KDM1A: variants seen among roughly 807,000 people sequenced by gnomAD.
KDM1A encodes lysine-specific histone demethylase 1A.
Under a neutral mutation model 109.4 loss-of-function variants are expected in KDM1A, and 49 were observed. The observed-to-expected ratio is 0.45, with a 90% CI of 0.36 to 0.57. The LOEUF is 0.57. Ranked by LOEUF, KDM1A falls within the 20% of genes least tolerant of loss-of-function variation. KDM1A has a pLI of 0.00. For missense variants in KDM1A, 668 were observed against 1,116.6 expected, an observed-to-expected ratio of 0.60 and a Z score of 5.73; for synonymous variants, 380 against 415.4, an observed-to-expected ratio of 0.91 and a Z score of 1.04.
chr1:23,073,056 T>C (rs1643364992), intron 14 of KDM1A, among the ~76,000 whole-genome samples: 1 of 152,170 alleles, frequency 6.6e-6, no homozygotes, highest in Non-Finnish European at 1.5e-5. Context: ...TTTTTTTCCT[T>C]CAGACAAATG....
intron 5 of KDM1A, 65 bp from the exon 6 acceptor site, chr1:23,055,004 A>G (rs1288512477): frequency 1.0e-6 from 1 of 969,758 alleles, no homozygotes; most frequent in East Asian, 2.5e-5. Flanking sequence ...GAAATGGAAG[A>G]GTTAGAAGAA....
chr1:23,072,248 C>A, intron 14 of KDM1A, 51 bp downstream of exon 14: 1 of 1,324,864 alleles, frequency 7.5e-7, no homozygotes, highest in Non-Finnish European at 1.1e-6. Flanking sequence ...ACTGTTCTTT[C>A]AGCTTGATTT....
In KDM1A at chr1:23,019,564, C is replaced by T. The variant is rs953336755; in HGVS notation, c.-33C>T. On this transcript the variant is annotated 5_prime_UTR_variant, in exon 1 of 21. Transcript: ENST00000400181. Reference sequence around the variant, plus strand: ...ACCCACGGAGCGACAGAGCGAGCGGCCCCTACGGCCGTCGGCGGCCCGGCG... The same window carrying T: ...ACCCACGGAGCGACAGAGCGAGCGGTCCCTACGGCCGTCGGCGGCCCGGCG... 9.4e-6 allele frequency: 13 copies of T among 1,388,500 alleles called. No individual in the cohort carries two copies. Among genetic ancestry groups the T allele is most frequent in the African/African-American group, 1.5e-5 (1 of 66,596 alleles). The allele number at this position is 1,388,500 out of a possible 1,614,324, so 86.0% of individuals were successfully genotyped here. A position where few individuals can be genotyped will look rare whatever the true frequency, so the allele number is the denominator to read the frequency against.
At chr1:23,055,033 A>G (rs751541220) in intron 5 of KDM1A, 36 bp from the exon 6 acceptor site, 170 of 1,348,250 alleles carry the variant, frequency 1.3e-4, no homozygotes, top group Non-Finnish European at 1.7e-4. Flanking sequence ...AAACTGCTGA[A>G]AATAAAACCG....
At chr1:23,041,599 C>T (rs188343955) in intron 2 of KDM1A, among the ~76,000 whole-genome samples, 1 of 151,550 alleles carries the variant, frequency 6.6e-6, no homozygotes, top group East Asian at 1.9e-4. Context: ...CATACCATAG[C>T]GCCTGGCTAA....
At position 23,066,046 on chromosome 1, in the gene KDM1A, G is replaced by A; in HGVS notation, c.1168-14G>A. The A allele has an allele frequency of 1.2e-6, 2 of 1,610,104 alleles. No homozygotes were observed. The highest frequency in any genetic ancestry group is 8.5e-7 in the Non-Finnish European group (1 of 1,177,752). Reference sequence around the variant, plus strand: ...TTTACAGTTTATTTCTCTCTCTGCTGCACTGGTTAAAAGGACACTGTCAAG... The same window carrying A: ...TTTACAGTTTATTTCTCTCTCTGCTACACTGGTTAAAAGGACACTGTCAAG... On this transcript the variant is annotated splice_polypyrimidine_tract_variant and intron_variant, in intron 9 of 20. Coordinates refer to ENST00000400181, the MANE Select transcript of KDM1A (RefSeq NM_001009999.3).
chr1:23,056,722 AAATACAATAAGG>A (rs1642839740), intron 7 of KDM1A, among the ~76,000 whole-genome samples: 1 of 151,624 alleles, frequency 6.6e-6, no homozygotes, highest in South Asian at 2.1e-4. Flanking sequence ...TTGTATTAAA[AAATACAATAAGG>A]AATAATAGGA....
intron 9 of KDM1A, 123 bp downstream of exon 9, chr1:23,059,290 G>A: frequency 1.3e-6 from 1 of 765,102 alleles, no homozygotes; most frequent in Admixed American, 1.8e-5. Context: ...TATATAAACT[G>A]AGGGTAGAGA....
chr1:23,065,224 A>G (rs991018604), intron 9 of KDM1A, among the ~76,000 whole-genome samples: 1 of 152,214 alleles, frequency 6.6e-6, no homozygotes, highest in Admixed American at 6.5e-5. Context: ...TAGAACTAAT[A>G]GAATCCAAGG....
At chr1:23,030,392 G>T in intron 1 of KDM1A, 77 bp from the exon 2 acceptor site, 2 of 1,113,132 alleles carry the variant, frequency 1.8e-6, no homozygotes, top group Non-Finnish European at 1.2e-6. Flanking sequence ...AATTTACATT[G>T]ACTGATGGTT....
Position 23,071,278 on chromosome 1 carries a change from A to G in KDM1A, c.1467A>G (p.Ala489=), listed in dbSNP as rs763526675. Residue 489 remains alanine, a synonymous_variant, in exon 13 of 21, where the codon GCA becomes GCG. Coordinates refer to ENST00000400181, the MANE Select transcript of KDM1A (RefSeq NM_001009999.3). The stretch of plus-strand genomic sequence containing the variant: ...AACTCCATCAGCAATACAAAGAAGC[A>G]TCTGAAGTAAAGCCACCCAGAGATA... ...IKELHQQYKE[A]SEVKPPRDIT... is the part of the protein sequence containing the mutation. The G allele has an allele frequency of 6.2e-7, 1 of 1,611,448 alleles. No individual in the cohort carries two copies. The highest frequency in any genetic ancestry group is 2.2e-5 in the East Asian group (1 of 44,870).
intron 15 of KDM1A, among the ~76,000 whole-genome samples, chr1:23,075,191 T>A (rs1447766711): frequency 1.3e-5 from 2 of 152,260 alleles, no homozygotes; most frequent in Non-Finnish European, 2.9e-5. Flanking sequence ...TGAGCAGGGC[T>A]ATACCATCTT....
chr1:23,072,409 C>G (rs1643347242), intron 14 of KDM1A, among the ~76,000 whole-genome samples: 1 of 152,140 alleles, frequency 6.6e-6, no homozygotes, highest in Admixed American at 6.5e-5. Flanking sequence ...CAGATTGTTT[C>G]TAAAGAGAGA....
chr1:23,073,228 T>C (rs996800629), intron 14 of KDM1A, 64 bp from the exon 15 acceptor site: 7 of 856,772 alleles, frequency 8.2e-6, no homozygotes, highest in Non-Finnish European at 1.4e-5. Context: ...TGAGATCACC[T>C]ACATCACACT....
intron 2 of KDM1A, among the ~76,000 whole-genome samples, chr1:23,036,334 C>T (rs1642142670): frequency 6.6e-6 from 1 of 152,008 alleles, no homozygotes; most frequent in Non-Finnish European, 1.5e-5. Context: ...TCTGTGTTGT[C>T]ATTTTGACAT....
At chr1:23,037,164 A>T (rs1033235082) in intron 2 of KDM1A, among the ~76,000 whole-genome samples, 2 of 151,126 alleles carry the variant, frequency 1.3e-5, no homozygotes, top group South Asian at 4.2e-4. Context: ...ATTAGCCGGG[A>T]GTGGTGGCTT....
intron 2 of KDM1A, among the ~76,000 whole-genome samples, chr1:23,032,517 T>A (rs1642016002): frequency 1.3e-5 from 2 of 152,164 alleles, no homozygotes; most frequent in South Asian, 4.1e-4. Flanking sequence ...GGGGGGACGT[T>A]AAAATTTTAA....
Position 23,019,635 on chromosome 1 carries a change from G to A in KDM1A, c.39G>A (p.Ala13=), listed in dbSNP as rs1364434770. The A allele has an allele frequency of 3.5e-6, 5 of 1,414,436 alleles. No individual in the cohort carries two copies. The highest frequency in any genetic ancestry group is 4.6e-6 in the Non-Finnish European group (5 of 1,091,652). The allele number at this position is 1,414,436 out of a possible 1,614,324, so 87.6% of individuals were successfully genotyped here. A position where few individuals can be genotyped will look rare whatever the true frequency, so the allele number is the denominator to read the frequency against. ...SGKKAAAAAA[A]AAAAATGTEA... is the part of the protein sequence containing the mutation. ...AGAAGGCGGCAGCCGCGGCGGCGGCGGCTGCAGCGGCAGCAACCGGGACGG... is the reference window on the plus strand; with the variant it reads ...AGAAGGCGGCAGCCGCGGCGGCGGCAGCTGCAGCGGCAGCAACCGGGACGG... Residue 13 remains alanine, a synonymous_variant, in exon 1 of 21, where the codon GCG becomes GCA. Coordinates refer to ENST00000400181, the MANE Select transcript of KDM1A (RefSeq NM_001009999.3).
At chr1:23,047,576 A>C (rs551168721) in intron 3 of KDM1A, among the ~76,000 whole-genome samples, 29 of 152,248 alleles carry the variant, frequency 1.9e-4, no homozygotes, top group South Asian at 1.2e-3. Flanking sequence ...AAATTCCCCA[A>C]ATTAGCCAAC....
Sources: allele counts gnomAD v4.1 joint callset (sites outside exome capture counted in the v4.1 genomes callset), GRCh38; gene constraint gnomAD v4.1.1; transcripts MANE v1.5; gene names NCBI Gene and HGNC (gene_info 2026-07-23, HGNC 2026-07-21).